Variants in DENND6A observed in about 807,000 individuals in gnomAD.
DENND6A encodes protein DENND6A.
DENND6A carries 43 observed loss-of-function variants against 95.5 expected under a neutral mutation model. The ratio of observed to expected loss-of-function variants is 0.45; its 90% CI spans 0.35 to 0.58. The LOEUF is 0.58. Ranked by LOEUF, DENND6A falls within the 20% of genes least tolerant of loss-of-function variation. The pLI is 0.00. For missense variants in DENND6A, 574 were observed against 736.0 expected (o/e 0.78, Z 2.55); for synonymous variants, 257 against 260.4 (o/e 0.99, Z 0.13).
intron 1 of DENND6A, 41 bp from the exon 2 acceptor site, chr3:57,672,479 C>T (rs950580171): frequency 6.3e-7 from 1 of 1,582,654 alleles, no homozygotes. Context: ...ATATTATAAA[C>T]ATTAGTTATA....
At chr3:57,667,008 C>T (rs1202151744) in intron 3 of DENND6A, among the ~76,000 whole-genome samples, 1 of 152,170 alleles carries the variant, frequency 6.6e-6, no homozygotes, top group East Asian at 1.9e-4. Context: ...CTTTTACAAA[C>T]GTAGTTATAA....
chr3:57,644,819 G>A (rs1331397474), intron 11 of DENND6A, among the ~76,000 whole-genome samples: 1 of 102,626 alleles, frequency 9.7e-6, no homozygotes, highest in Non-Finnish European at 2.0e-5. Context: ...GGGAGGGGAG[G>A]GGGAAAGACA....
chr3:57,689,139 G>C lies in DENND6A; in HGVS notation c.237+3643C>G, dbSNP rs570855360. 5.8e-3 allele frequency among the ~76,000 whole-genome samples: 877 copies of C among 152,024 alleles called. 8 individuals carry two copies. Among genetic ancestry groups the C allele is most frequent in the African/African-American group, 0.02 (829 of 41,482 alleles). ...CCAGCTGATTTTTGTATTTTTAGTA[G>C]AGACGGGGTTTCACCGTGTTGGCCA... is the stretch of plus-strand genomic sequence containing the variant. On this transcript the variant is annotated intron_variant, in intron 1 of 19. Transcript: ENST00000311128.
At chr3:57,672,598 C>T (rs1052829712) in intron 1 of DENND6A, among the ~76,000 whole-genome samples, 160 bp from the exon 2 acceptor site, 3 of 152,132 alleles carry the variant, frequency 2.0e-5, no homozygotes, top group Non-Finnish European at 4.4e-5. Context: ...ACCTGGCCAA[C>T]ATGCCGAAAC....
At chr3:57,649,705 C>T (rs1429529957) in intron 9 of DENND6A, among the ~76,000 whole-genome samples, 1 of 150,190 alleles carries the variant, frequency 6.7e-6, no homozygotes, top group Non-Finnish European at 1.5e-5. Context: ...ATACTTTTCT[C>T]ATCTCCCCTG....
intron 1 of DENND6A, among the ~76,000 whole-genome samples, chr3:57,672,847 G>C (rs1030383948): frequency 6.6e-6 from 1 of 151,744 alleles, no homozygotes; most frequent in Non-Finnish European, 1.5e-5. Flanking sequence ...AGTTGGTTAT[G>C]GTCAAATCAC....
intron 1 of DENND6A, among the ~76,000 whole-genome samples, chr3:57,691,171 C>T (rs2077260823): frequency 6.6e-6 from 1 of 152,186 alleles, no homozygotes; most frequent in African/African-American, 2.4e-5. Flanking sequence ...TCAACTACAA[C>T]AACCCATTCT....
intron 1 of DENND6A, among the ~76,000 whole-genome samples, chr3:57,685,450 T>C (rs370390950): frequency 8.5e-5 from 13 of 152,292 alleles, no homozygotes; most frequent in Middle Eastern, 3.4e-3. Flanking sequence ...TCTAGAATAT[T>C]TGAATTATAC....
In DENND6A at chr3:57,628,885, C is replaced by A; in HGVS notation, c.1621G>T (p.Asp541Tyr). 1 of 1,610,210 alleles carries A rather than the reference C, an allele frequency of 6.2e-7. No homozygotes were observed. Among genetic ancestry groups the A allele is most frequent in the South Asian group, 1.1e-5 (1 of 90,250 alleles). Reference sequence around the variant, plus strand: ...TGTTTCTGGATCCAGAGAAGTAAGTCCTAGAATAAATAAAGTCCCAAATCA... The same window carrying A: ...TGTTTCTGGATCCAGAGAAGTAAGTACTAGAATAAATAAAGTCCCAAATCA... Reference protein sequence around the residue: ...ALHLEALCEEDLLLWIQKHTE... With the variant: ...ALHLEALCEEYLLLWIQKHTE... Residue 541 changes from aspartate to tyrosine, a missense_variant and splice_region_variant, in exon 19 of 20, where the codon GAC becomes TAC. This residue lies in a region of DENND6A where 452 missense variants were observed against 630.9 expected (regional missense o/e 0.72). Transcript: ENST00000311128.
At chr3:57,677,720 T>C (rs2071736705) in intron 1 of DENND6A, among the ~76,000 whole-genome samples, 1 of 152,086 alleles carries the variant, frequency 6.6e-6, no homozygotes, top group South Asian at 2.1e-4. Context: ...TATAGGCCAC[T>C]ACATCCGGCC....
At chr3:57,648,331 C>A (rs2071122072) in intron 9 of DENND6A, among the ~76,000 whole-genome samples, 1 of 152,050 alleles carries the variant, frequency 6.6e-6, no homozygotes, top group South Asian at 2.1e-4. Context: ...TGACAAAACA[C>A]TGCTGAAAAA....
At chr3:57,666,328 T>C (rs956129448) in intron 3 of DENND6A, 93 bp from the exon 4 acceptor site, 5 of 1,007,916 alleles carry the variant, frequency 5.0e-6, no homozygotes, top group African/African-American at 3.3e-5. Context: ...ATCCTATCAA[T>C]CATTTTAACC....
At chr3:57,634,648 CA>C (rs1397770584) in intron 13 of DENND6A, 26 bp from the exon 14 acceptor site, 3 of 1,482,958 alleles carry the variant, frequency 2.0e-6, no homozygotes, top group South Asian at 1.4e-5. Context: ...AGAAGGTAAA[CA>C]AAAAAACCCA....
intron 1 of DENND6A, among the ~76,000 whole-genome samples, chr3:57,682,549 T>C (rs2077176336): frequency 2.0e-5 from 3 of 152,182 alleles, no homozygotes; most frequent in Admixed American, 2.0e-4. Flanking sequence ...TCAATAAATA[T>C]TGTGTATAAT....
intron 9 of DENND6A, among the ~76,000 whole-genome samples, chr3:57,650,480 C>T (rs1223570825): frequency 6.6e-6 from 1 of 151,836 alleles, no homozygotes; most frequent in Non-Finnish European, 1.5e-5. Flanking sequence ...GCTTTGTCCA[C>T]TTGAGAGGGT....
rs75227440 is a variant in DENND6A, at chr3:57,670,272, C to T, written c.319+1984G>A. Among the ~76,000 whole-genome samples, 67 of 152,022 alleles carry T rather than the reference C, an allele frequency of 4.4e-4. 1 individual carries two copies. The East Asian group carries it at 0.011, about 25-fold the overall frequency. ...CAGATTAACGAGAAAAGATTTAGTT[C>T]GAATGCATACAAAGGCTTCAGAGAA... On this transcript the variant is annotated intron_variant, in intron 3 of 19. Coordinates refer to ENST00000311128, the MANE Select transcript of DENND6A (RefSeq NM_152678.3).
intron 12 of DENND6A, among the ~76,000 whole-genome samples, chr3:57,635,700 C>T (rs1157587210): frequency 6.6e-6 from 1 of 152,128 alleles, no homozygotes; most frequent in Non-Finnish European, 1.5e-5. Flanking sequence ...TTTTCCTTTG[C>T]AATCTTATAT....
chr3:57,651,446 T>C (rs1363147647), intron 9 of DENND6A, among the ~76,000 whole-genome samples: 1 of 152,134 alleles, frequency 6.6e-6, no homozygotes, highest in African/African-American at 2.4e-5. Flanking sequence ...TAGTTAAATG[T>C]AATGTCCAAA....
chr3:57,643,456 TCA>T (rs1028998082), intron 11 of DENND6A, among the ~76,000 whole-genome samples: 29 of 152,246 alleles, frequency 1.9e-4, no homozygotes, highest in African/African-American at 6.3e-4. Flanking sequence ...GGTCTGGACC[TCA>T]CAGAGATATT....
Sources: allele counts gnomAD v4.1 joint callset (sites outside exome capture counted in the v4.1 genomes callset), GRCh38; gene constraint gnomAD v4.1.1; regional missense constraint gnomAD v4.1.1; transcripts MANE v1.5; gene names NCBI Gene and HGNC (gene_info 2026-07-23, HGNC 2026-07-21).